The following SHISA9 variants were observed in gnomAD, a reference collection of about 807,000 sequenced individuals.
The protein encoded by SHISA9 is shisa family member 9.
Under a neutral mutation model 38.0 loss-of-function variants are expected in SHISA9, and 13 were observed. The observed-to-expected ratio is 0.34, with a 90% CI of 0.22 to 0.54. SHISA9 has a LOEUF of 0.54. Among genes scored for constraint, SHISA9 ranks in the 20% least tolerant of loss-of-function variants. SHISA9 has a pLI of 0.91. For missense variants in SHISA9, 538 were observed against 575.8 expected (o/e 0.93, Z 0.67); for synonymous variants, 275 against 242.0 (o/e 1.14, Z -1.27).
At chr16:13,036,055 T>C (rs1201755182) in intron 2 of SHISA9, among the ~76,000 whole-genome samples, 5 of 152,140 alleles carry the variant, frequency 3.3e-5, no homozygotes, top group African/African-American at 1.2e-4. Context: ...AGGTGTAAAA[T>C]AGTACAACAG....
intron 2 of SHISA9, among the ~76,000 whole-genome samples, chr16:12,971,225 A>G (rs1306139826): frequency 1.3e-5 from 2 of 152,130 alleles, no homozygotes; most frequent in Admixed American, 6.5e-5. Context: ...CCCCCCTCCA[A>G]ATCAGGACTC....
chr16:13,085,236 A>T (rs991618691), intron 2 of SHISA9, among the ~76,000 whole-genome samples: 1 of 152,122 alleles, frequency 6.6e-6, no homozygotes, highest in Non-Finnish European at 1.5e-5. Flanking sequence ...CTCTATATCT[A>T]TGTCTATATA....
chr16:13,322,434 A>T, the SHISA9 span, among the ~76,000 whole-genome samples: 172 of 152,300 alleles, frequency 1.1e-3, no homozygotes, highest in African/African-American at 4.0e-3. Context: ...CTAGCTGAAT[A>T]TGGCTCCAGG....
At chr16:13,285,525 T>G in the SHISA9 span, among the ~76,000 whole-genome samples, 88 of 150,860 alleles carry the variant, frequency 5.8e-4, no homozygotes, top group Non-Finnish European at 1.1e-3. Flanking sequence ...GAGATTTACT[T>G]TAACGTATGT....
rs1240201539 is a variant in SHISA9, at chr16:13,027,933, C to CAAA, written c.691+111137_691+111139dup. 6.4e-4 allele frequency among the ~76,000 whole-genome samples: 66 copies of CAAA among 103,708 alleles called. 2 individuals are homozygous for CAAA. Among genetic ancestry groups the CAAA allele is most frequent in the African/African-American group, 1.9e-3 (48 of 24,866 alleles). The allele number at this position is 103,708 out of a possible 152,430, so 68.0% of individuals were successfully genotyped here. ...CTAGAGTGAAGCTCTGTCTCAAAAACAAAAAAAAAAAAAAAAAAAAAGAAT... is the reference window on the plus strand; with the variant it reads ...CTAGAGTGAAGCTCTGTCTCAAAAACAAAAAAAAAAAAAAAAAAAAAAAAGAAT... On this transcript the variant is annotated intron_variant, in intron 2 of 4. Coordinates refer to ENST00000558583, the MANE Select transcript of SHISA9 (RefSeq NM_001145204.3).
At chr16:13,348,299 A>G in the SHISA9 span, among the ~76,000 whole-genome samples, 6 of 152,088 alleles carry the variant, frequency 3.9e-5, no homozygotes, top group African/African-American at 1.2e-4. Flanking sequence ...TCCAATGAGC[A>G]TCTCCTTTGA....
chr16:13,006,301 T>C (rs960542537), intron 2 of SHISA9, among the ~76,000 whole-genome samples: 1 of 152,024 alleles, frequency 6.6e-6, no homozygotes, highest in African/African-American at 2.4e-5. Flanking sequence ...AAATCTGAAA[T>C]GGGAGAGGTC....
the SHISA9 span, among the ~76,000 whole-genome samples, chr16:13,288,854 T>C: frequency 9.8e-5 from 15 of 152,304 alleles, no homozygotes; most frequent in Non-Finnish European, 1.8e-4. Flanking sequence ...CACAATCCTG[T>C]TGGACTAGGG....
chr16:13,200,685 C>A lies in SHISA9; in HGVS notation c.692-2709C>A, dbSNP rs150489057. On this transcript the variant is annotated intron_variant, in intron 2 of 4. Transcript: ENST00000558583. ...TTTATTAATCCTGGGACTCTCCCAT[C>A]GCAGCTGAATCTCGGCCAAAAAGCT... 9.2e-3 allele frequency among the ~76,000 whole-genome samples: 769 copies of A among 83,868 alleles called. 189 individuals carry two copies. The highest frequency in any genetic ancestry group is 0.038 in the African/African-American group (729 of 18,970). The allele number at this position is 83,868 out of a possible 152,430, so 55.0% of individuals were successfully genotyped here.
At chr16:13,387,119 C>T in the SHISA9 span, among the ~76,000 whole-genome samples, 1 of 152,178 alleles carries the variant, frequency 6.6e-6, no homozygotes, top group African/African-American at 2.4e-5. Context: ...TAAAATTCAT[C>T]CATTTCTGTA....
At chr16:13,494,886 A>G in the SHISA9 span, among the ~76,000 whole-genome samples, 1 of 152,246 alleles carries the variant, frequency 6.6e-6, no homozygotes, top group African/African-American at 2.4e-5. Context: ...GTCAATGGTT[A>G]TATAAACTCT....
At chr16:13,294,525 A>G in the SHISA9 span, among the ~76,000 whole-genome samples, 1 of 152,338 alleles carries the variant, frequency 6.6e-6, no homozygotes, top group East Asian at 1.9e-4. Context: ...CCAGTGCATC[A>G]ATTCTGCTTC....
chr16:13,391,232 C>T, the SHISA9 span, among the ~76,000 whole-genome samples: 4 of 152,130 alleles, frequency 2.6e-5, no homozygotes, highest in Admixed American at 1.3e-4. Flanking sequence ...CATTATTGCT[C>T]CTTACATTAA....
intron 1 of SHISA9, among the ~76,000 whole-genome samples, chr16:12,904,052 T>C (rs921241612): frequency 7.2e-5 from 11 of 151,972 alleles, no homozygotes; most frequent in Non-Finnish European, 1.2e-4. Flanking sequence ...TGCACAGAAG[T>C]AAGCTCCGAG....
downstream of SHISA9, among the ~76,000 whole-genome samples, chr16:13,243,925 A>G (rs969459876): frequency 1.3e-5 from 2 of 151,952 alleles, no homozygotes; most frequent in African/African-American, 2.4e-5. Context: ...GGCACGCACC[A>G]CCACACCTGG....
At chr16:13,246,250 T>C in the SHISA9 span, 1 of 152,150 alleles carries the variant, frequency 6.6e-6, no homozygotes, top group African/African-American at 2.4e-5. Flanking sequence ...TTCATGGAAG[T>C]GAATAAGTCT....
At chr16:13,424,181 C>T in the SHISA9 span, among the ~76,000 whole-genome samples, 1 of 151,582 alleles carries the variant, frequency 6.6e-6, no homozygotes, top group South Asian at 2.1e-4. Flanking sequence ...TAACTCACGC[C>T]AATTCTGCAT....
At chr16:13,309,204 G>A in the SHISA9 span, among the ~76,000 whole-genome samples, 1 of 152,050 alleles carries the variant, frequency 6.6e-6, no homozygotes, top group Non-Finnish European at 1.5e-5. Flanking sequence ...GTAATGTTGG[G>A]GCTAGGGAGG....
intron 2 of SHISA9, among the ~76,000 whole-genome samples, chr16:13,149,542 A>G (rs1015045848): frequency 6.6e-6 from 1 of 152,114 alleles, no homozygotes; most frequent in African/African-American, 2.4e-5. Context: ...TATTAGCTCT[A>G]CTAGCTCCTT....
Sources: allele counts gnomAD v4.1 joint callset (sites outside exome capture counted in the v4.1 genomes callset), GRCh38; gene constraint gnomAD v4.1.1; transcripts MANE v1.5; gene names NCBI Gene and HGNC (gene_info 2026-07-23, HGNC 2026-07-21).